The following HDAC9 variants were observed in gnomAD, a reference collection of about 807,000 sequenced individuals.
HDAC9 encodes the protein histone deacetylase 9.
A neutral mutation model predicts 139.4 loss-of-function variants in HDAC9; 41 were observed. The ratio of observed to expected loss-of-function variants is 0.29; its 90% confidence interval spans 0.23 to 0.38. The LOEUF (loss-of-function observed/expected upper bound fraction) is 0.38. HDAC9 is among the 10% of genes least tolerant of loss of function. The pLI is 1.00. For synonymous variants in HDAC9, 517 were observed against 476.2 expected (o/e 1.09, Z -1.12); for missense variants, 1,147 against 1,297.0 (o/e 0.88, Z 1.78).
intron 1 of HDAC9, among the ~76,000 whole-genome samples, chr7:18,308,221 A>G (rs1305108950): frequency 6.6e-6 from 1 of 152,228 alleles, no homozygotes; most frequent in Non-Finnish European, 1.5e-5. Context: ...TTAGCAATCT[A>G]TATGAACTAG....
chr7:18,668,373 TA>T, intron 12 of HDAC9: 2 of 933,818 alleles, frequency 2.1e-6, no homozygotes, highest in Non-Finnish European at 2.6e-6. Flanking sequence ...TAAAATTGTA[TA>T]TTTTTTCCAT....
At chr7:18,856,942 G>T (rs1203869642) in intron 21 of HDAC9, among the ~76,000 whole-genome samples, 1 of 152,076 alleles carries the variant, frequency 6.6e-6, no homozygotes, top group Non-Finnish European at 1.5e-5. Context: ...ACCATAAAGT[G>T]CCTTGAAGGA....
At chr7:18,592,515 C>G (rs559472019) in intron 5 of HDAC9, among the ~76,000 whole-genome samples, 2 of 152,042 alleles carry the variant, frequency 1.3e-5, no homozygotes, top group South Asian at 4.2e-4. Flanking sequence ...TATTTTTACA[C>G]TTATATATTT....
chr7:18,904,973 A>T (rs1397385461), intron 22 of HDAC9, among the ~76,000 whole-genome samples: 5 of 151,868 alleles, frequency 3.3e-5, no homozygotes, highest in Non-Finnish European at 5.9e-5. Context: ...ATGTCCACTC[A>T]CTACAACATC....
At chr7:18,568,341 A>G (rs187816732) in intron 2 of HDAC9, among the ~76,000 whole-genome samples, 10 of 152,274 alleles carry the variant, frequency 6.6e-5, no homozygotes, top group Admixed American at 2.0e-4. Context: ...ATAATATTGT[A>G]TATGTGACAA....
chr7:18,356,368 T>TTTTTG (rs1554388662), intron 1 of HDAC9, among the ~76,000 whole-genome samples: 12 of 142,526 alleles, frequency 8.4e-5, no homozygotes, highest in Admixed American at 3.5e-4. Flanking sequence ...GTTTTTTTTT[T>TTTTTG]TTTTTTTTTT....
chr7:18,362,297 G>A (rs1783844101), intron 1 of HDAC9, among the ~76,000 whole-genome samples: 1 of 152,094 alleles, frequency 6.6e-6, no homozygotes, highest in African/African-American at 2.4e-5. Flanking sequence ...CTTATGTGTT[G>A]CAAACCTAAT....
intron 12 of HDAC9, among the ~76,000 whole-genome samples, chr7:18,721,074 T>A (rs1400664891): frequency 6.6e-6 from 1 of 152,218 alleles, no homozygotes; most frequent in Non-Finnish European, 1.5e-5. Context: ...GGTATCTGTA[T>A]GTGGAAGGTT....
At chr7:18,935,734 A>G (rs927567378) in intron 22 of HDAC9, 75 bp from the exon 23 acceptor site, 3 of 1,358,626 alleles carry the variant, frequency 2.2e-6, no homozygotes, top group Middle Eastern at 1.8e-4. Context: ...CTCAAAATAC[A>G]TGCTCAATGT....
At chr7:18,343,336 G>A (rs1278395800) in intron 1 of HDAC9, among the ~76,000 whole-genome samples, 1 of 151,748 alleles carries the variant, frequency 6.6e-6, no homozygotes, top group African/African-American at 2.4e-5. Context: ...GGCAAGGAAG[G>A]TAATTAGTAA....
intron 1 of HDAC9, among the ~76,000 whole-genome samples, chr7:18,433,016 A>G (rs116846613): frequency 0.04 from 6,121 of 152,006 alleles, 130 homozygotes; most frequent in Middle Eastern, 0.072. Flanking sequence ...ATAGTCTATG[A>G]TTATACACAC....
chr7:18,198,972 A>G (rs144103705), intron 2 of HDAC9, among the ~76,000 whole-genome samples: 3 of 152,222 alleles, frequency 2.0e-5, no homozygotes, highest in African/African-American at 7.2e-5. Flanking sequence ...ATGCAGGGGT[A>G]CTCTCCATGA....
intron 6 of HDAC9, among the ~76,000 whole-genome samples, chr7:18,611,196 T>C (rs1326899013): frequency 6.6e-6 from 1 of 152,150 alleles, no homozygotes; most frequent in African/African-American, 2.4e-5. Context: ...ATGTTTAACC[T>C]ACTTTAGACA....
At chr7:18,532,733 G>C (rs781099661) in intron 2 of HDAC9, among the ~76,000 whole-genome samples, 3 of 151,600 alleles carry the variant, frequency 2.0e-5, no homozygotes, top group Non-Finnish European at 4.4e-5. Flanking sequence ...GTCTTTTAAT[G>C]AAAATAGCAG....
intron 11 of HDAC9, 125 bp downstream of exon 11, chr7:18,648,808 A>G: frequency 1.3e-6 from 1 of 779,932 alleles, no homozygotes; most frequent in Non-Finnish European, 2.1e-6. Flanking sequence ...TGATCATCCT[A>G]AGCCTGCTTT....
At chr7:18,417,479 T>C (rs574254343) in intron 1 of HDAC9, among the ~76,000 whole-genome samples, 4 of 152,190 alleles carry the variant, frequency 2.6e-5, no homozygotes, top group Non-Finnish European at 5.9e-5. Flanking sequence ...AAACCAGTCA[T>C]TGTGAGTTTT....
chr7:18,869,051 C>T (rs1346636470), intron 21 of HDAC9, among the ~76,000 whole-genome samples: 1 of 152,028 alleles, frequency 6.6e-6, no homozygotes, highest in Admixed American at 6.6e-5. Flanking sequence ...AAGTGCTTCT[C>T]TGAGTTCTGT....
chr7:18,646,314 A>G (rs1285600691), intron 9 of HDAC9, among the ~76,000 whole-genome samples: 2 of 152,148 alleles, frequency 1.3e-5, no homozygotes, highest in Non-Finnish European at 2.9e-5. Flanking sequence ...ATTTTTTCCC[A>G]AAGGACCAAG....
At chr7:18,953,462 T>C (rs914314036) in intron 23 of HDAC9, among the ~76,000 whole-genome samples, 3 of 152,110 alleles carry the variant, frequency 2.0e-5, no homozygotes, top group African/African-American at 4.8e-5. Flanking sequence ...AAAGCAATGC[T>C]TGCTGAGCTT....
Sources: gnomAD v4.1 joint callset for allele counts (sites outside exome capture counted in the v4.1 genomes callset) on GRCh38, gnomAD v4.1.1 for gene constraint, MANE v1.5 for transcripts, NCBI Gene and HGNC (gene_info 2026-07-23, HGNC 2026-07-21) for gene names.